The following ASIC2 variants were observed in gnomAD, a reference collection of about 807,000 sequenced individuals.
ASIC2 encodes acid sensing ion channel subunit 2, also known as acid-sensing ion channel 2.
Under a neutral mutation model 57.3 loss-of-function variants are expected in ASIC2, and 25 were observed. That is an observed-to-expected ratio of 0.44 (90% CI 0.32 to 0.61). The LOEUF is 0.61. ASIC2 is among the 20% of genes least tolerant of loss of function. The pLI is 0.06. For missense variants in ASIC2, 641 were observed against 738.1 expected (o/e 0.87, Z 1.52); for synonymous variants, 319 against 307.5 (o/e 1.04, Z -0.39).
At chr17:33,517,368 G>A (rs991033490) in intron 1 of ASIC2, among the ~76,000 whole-genome samples, 14 of 152,260 alleles carry the variant, frequency 9.2e-5, no homozygotes, top group Non-Finnish European at 1.8e-4. Context: ...GACCCACCTC[G>A]GCCTCCCAAA....
chr17:34,116,892 G>A (rs1911439604), intron 1 of ASIC2, among the ~76,000 whole-genome samples: 1 of 152,154 alleles, frequency 6.6e-6, no homozygotes, highest in African/African-American at 2.4e-5. Context: ...GTGTGTGGGT[G>A]GGTGGGTGTG....
chr17:33,522,210 C>T (rs1914764336), intron 1 of ASIC2, among the ~76,000 whole-genome samples: 2 of 152,246 alleles, frequency 1.3e-5, no homozygotes, highest in African/African-American at 4.8e-5. Flanking sequence ...GGCTCCCCAC[C>T]AGCCCCCCAA....
At chr17:33,181,095 T>C (rs1371025452) in intron 1 of ASIC2, among the ~76,000 whole-genome samples, 2 of 152,108 alleles carry the variant, frequency 1.3e-5, no homozygotes, top group African/African-American at 4.8e-5. Context: ...GTGACCGAGA[T>C]TACCATCCAC....
At chr17:34,120,722 C>CTTTTTTT (rs142959293) in intron 1 of ASIC2, among the ~76,000 whole-genome samples, 4 of 94,622 alleles carry the variant, frequency 4.2e-5, no homozygotes, top group African/African-American at 4.1e-5. Flanking sequence ...TGGGGTCCTT[C>CTTTTTTT]TTTTTTTTTT....
At position 33,553,132 on chromosome 17, in the gene ASIC2, G is replaced by A. The variant is rs1915801521; in HGVS notation, c.556-441065C>T. On this transcript the variant is annotated intron_variant, in intron 1 of 9. Transcript: ENST00000359872. The stretch of plus-strand genomic sequence containing the variant: ...TGGCAGAGGCCCTAGTGGAATTGGA[G>A]TCCTTTAAGGAAACACCAAATCAAT... 3.9e-5 allele frequency among the ~76,000 whole-genome samples: 6 copies of A among 152,266 alleles called. No individual in the cohort carries two copies. In the South Asian group the frequency reaches 1.0e-3, roughly 26 times the overall value.
intron 1 of ASIC2, among the ~76,000 whole-genome samples, chr17:33,435,461 A>G (rs1456891520): frequency 6.6e-6 from 1 of 152,232 alleles, no homozygotes; most frequent in African/African-American, 2.4e-5. Context: ...AACAATTAAA[A>G]TGAATTAAAA....
chr17:33,895,686 G>C (rs377584193), intron 1 of ASIC2, among the ~76,000 whole-genome samples: 1 of 152,168 alleles, frequency 6.6e-6, no homozygotes, highest in African/African-American at 2.4e-5. Context: ...TTGATACCTG[G>C]ATGTCTTCCC....
intron 1 of ASIC2, among the ~76,000 whole-genome samples, chr17:33,840,087 T>C (rs1913388765): frequency 6.6e-6 from 1 of 152,280 alleles, no homozygotes; most frequent in Non-Finnish European, 1.5e-5. Flanking sequence ...AAATTCCTTC[T>C]GATGATTTAT....
At chr17:33,222,012 A>T (rs535971346) in intron 1 of ASIC2, among the ~76,000 whole-genome samples, 1 of 152,296 alleles carries the variant, frequency 6.6e-6, no homozygotes, top group South Asian at 2.1e-4. Context: ...CTATCCTGGA[A>T]ACTTAACTAT....
At chr17:33,392,527 A>C (rs532598119) in intron 1 of ASIC2, among the ~76,000 whole-genome samples, 43 of 152,232 alleles carry the variant, frequency 2.8e-4, no homozygotes, top group African/African-American at 9.9e-4. Context: ...GGCTTCTCAA[A>C]GTGCTAGGAT....
intron 1 of ASIC2, among the ~76,000 whole-genome samples, chr17:34,014,484 G>A (rs1906874675): frequency 6.6e-6 from 1 of 152,180 alleles, no homozygotes; most frequent in Admixed American, 6.5e-5. Flanking sequence ...GCAGGGAGTG[G>A]GTAAAGTAAG....
intron 1 of ASIC2, chr17:33,935,462 T>G (rs1321148743): frequency 6.6e-6 from 1 of 152,230 alleles, no homozygotes. Flanking sequence ...ATGCTATTAT[T>G]TATTAATGAT....
rs1598237201 is a variant in ASIC2, at chr17:33,021,081, A to G, written c.1441+138T>C. 27 of 616,426 alleles carry G rather than the reference A, an allele frequency of 4.4e-5. No individual in the cohort carries two copies. The East Asian group carries it at 5.5e-4, about 13-fold the overall frequency. The allele number at this position is 616,426 out of a possible 1,614,324, so 38.2% of individuals were successfully genotyped here. A position where few individuals can be genotyped will look rare whatever the true frequency, so the allele number is the denominator to read the frequency against. ...AGAGGAGCAGTGCAAGGAAACAGGG[A>G]GTAATTATTAGTAAATCAAAAGGTT... is the stretch of plus-strand genomic sequence containing the variant. On this transcript the variant is annotated intron_variant, in intron 7 of 9. Transcript: ENST00000225823.
At chr17:33,125,164 A>C (rs1276447682) in intron 1 of ASIC2, among the ~76,000 whole-genome samples, 2 of 152,228 alleles carry the variant, frequency 1.3e-5, no homozygotes, top group Non-Finnish European at 2.9e-5. Context: ...GACCCTTGCC[A>C]CAGGGCAATA....
Position 33,579,811 on chromosome 17 carries a change from G to T in ASIC2, c.556-467744C>A, listed in dbSNP as rs115898174. Among the ~76,000 whole-genome samples the T allele has an allele frequency of 6.9e-3, 1,045 of 152,094 alleles. 4 individuals carry two copies. Among genetic ancestry groups the T allele is most frequent in the African/African-American group, 0.019 (806 of 41,502 alleles). On this transcript the variant is annotated intron_variant, in intron 1 of 9. Transcript: ENST00000359872. ...TACCACACCGTGAAAAACACCCCTT[G>T]GATTTCGGCGTCTGGCTCGGGTGGG...
chr17:33,573,076 G>A (rs112920685), intron 1 of ASIC2, among the ~76,000 whole-genome samples: 4,469 of 152,228 alleles, frequency 0.029, 212 homozygotes, highest in African/African-American at 0.099. Flanking sequence ...ACGCACAGGT[G>A]CCAATCTTCA....
intron 1 of ASIC2, among the ~76,000 whole-genome samples, chr17:34,034,698 A>C (rs1380592489): frequency 6.6e-6 from 1 of 152,048 alleles, no homozygotes; most frequent in Admixed American, 6.5e-5. Flanking sequence ...AAAAGTCACA[A>C]GCATTCTTAT....
intron 1 of ASIC2, among the ~76,000 whole-genome samples, chr17:33,867,831 G>A (rs1234113313): frequency 6.6e-6 from 1 of 152,174 alleles, no homozygotes. Context: ...ACAGGAAAGT[G>A]CAAAAAGAAA....
chr17:33,609,370 G>A (rs71379403), intron 1 of ASIC2, among the ~76,000 whole-genome samples: 28,430 of 151,956 alleles, frequency 0.19, 3,129 homozygotes, highest in Non-Finnish European at 0.25. Flanking sequence ...CTGCCCTCCC[G>A]CTTGCCCTCC....
Sources: allele counts gnomAD v4.1 joint callset (sites outside exome capture counted in the v4.1 genomes callset), GRCh38; gene constraint gnomAD v4.1.1; transcripts MANE v1.5; gene names NCBI Gene and HGNC (gene_info 2026-07-23, HGNC 2026-07-21).